The following COL16A1 variants were observed in gnomAD, a reference collection of about 807,000 sequenced individuals.
The protein encoded by COL16A1 is collagen type XVI alpha 1 chain.
In COL16A1, 189 loss-of-function variants were observed where a neutral mutation model predicts 266.3. The observed-to-expected ratio is 0.71, with a 90% CI of 0.63 to 0.80. The LOEUF (loss-of-function observed/expected upper bound fraction) is 0.80, where lower values mean the gene tolerates loss of function less well. COL16A1 is among the 30% of genes least tolerant of loss of function. COL16A1 has a pLI of 0.00. For synonymous variants in COL16A1, 740 were observed against 782.3 expected, an observed-to-expected ratio of 0.95 and a Z score of 0.90; for missense variants, 1,928 against 2,122.4, an observed-to-expected ratio of 0.91 and a Z score of 1.80.
intron 39 of COL16A1, among the ~76,000 whole-genome samples, chr1:31,680,528 TCAC>T (rs1042340118): frequency 1.4e-4 from 22 of 152,226 alleles, no homozygotes; most frequent in African/African-American, 4.8e-4. Context: ...CTCTGCCCTC[TCAC>T]CACTAGTCCT....
intron 56 of COL16A1, 28 bp downstream of exon 56, chr1:31,665,144 G>A: frequency 2.5e-6 from 4 of 1,603,320 alleles, no homozygotes; most frequent in Non-Finnish European, 3.4e-6. Context: ...TCAGATCTGT[G>A]ACTTTGCCAA....
In COL16A1 at chr1:31,696,957, A is replaced by C. The variant is rs774659356; in HGVS notation, c.864+6T>G. 1 of 1,613,644 alleles carries C rather than the reference A, an allele frequency of 6.2e-7. No individual in the cohort carries two copies. The highest frequency in any genetic ancestry group is 1.3e-5 in the African/African-American group (1 of 75,010). On this transcript the variant is annotated splice_donor_region_variant and intron_variant, in intron 8 of 70. Coordinates refer to ENST00000373672, the MANE Select transcript of COL16A1 (RefSeq NM_001856.4). The stretch of plus-strand genomic sequence containing the variant: ...GTGCTGGCATCCACCTGTCCTGCCC[A>C]CCCACCTCGCTGTTTTGAGGCTCCT...
chr1:31,682,802 G>A, intron 37 of COL16A1, 132 bp downstream of exon 37: 1 of 1,089,676 alleles, frequency 9.2e-7, no homozygotes, highest in Non-Finnish European at 1.3e-6. Flanking sequence ...CTTGTCTGAG[G>A]CTGGGCTGAG....
rs796816564 is a variant in COL16A1 at position 31,660,453 on chromosome 1, G to A, written c.3879+132C>T. The A allele has an allele frequency of 6.9e-6, 8 of 1,157,966 alleles. No homozygotes were observed. In the African/African-American group the frequency reaches 1.2e-4, roughly 18 times the overall value. 71.7% of individuals were successfully genotyped at this position (1,157,966 alleles called of 1,614,324 possible). On this transcript the variant is annotated intron_variant, in intron 62 of 70. Coordinates refer to ENST00000373672, the MANE Select transcript of COL16A1 (RefSeq NM_001856.4). ...AAAGCCTGGAAACCACAGAAGGAGT[G>A]GCCCCCGTGCTCCCACGGCTGGGGC... is the stretch of plus-strand genomic sequence containing the variant.
chr1:31,689,269 G>T, intron 23 of COL16A1, 184 bp from the exon 24 acceptor site: 2 of 982,216 alleles, frequency 2.0e-6, no homozygotes, highest in Non-Finnish European at 3.0e-6. Context: ...GCAGGAGCGT[G>T]GCGGGGGGAA....
chr1:31,662,284 T>C (rs1167655713), intron 58 of COL16A1, 50 bp downstream of exon 58: 3 of 1,589,948 alleles, frequency 1.9e-6, no homozygotes, highest in Admixed American at 1.8e-5. Flanking sequence ...TTGGCTCCTC[T>C]GGCAAAAAGG....
At position 31,656,053 on chromosome 1, in the gene COL16A1, G is replaced by A. The variant is rs896125078; in HGVS notation, c.4101+347C>T. On this transcript the variant is annotated intron_variant, in intron 66 of 70. Transcript: ENST00000373672. This position sits in a 1 kb window ranked among gnomAD's most constrained non-coding sequence, Gnocchi z 4.2. Reference sequence around the variant, plus strand: ...ACTTGCCAATCCCTAGTGTAAGTGTGACTGGTCTATTGTGAGCACCTATTG... The same window carrying A: ...ACTTGCCAATCCCTAGTGTAAGTGTAACTGGTCTATTGTGAGCACCTATTG... 11 of 370,188 alleles carry A rather than the reference G, an allele frequency of 3.0e-5. No homozygotes were observed. Among genetic ancestry groups the A allele is most frequent in the Non-Finnish European group, 5.4e-5 (11 of 201,872 alleles). 22.9% of individuals were successfully genotyped at this position (370,188 alleles called of 1,614,324 possible).
Position 31,698,272 on chromosome 1 carries a change from C to T in COL16A1, c.391-100G>A. 1 of 1,553,498 alleles carries T rather than the reference C, an allele frequency of 6.4e-7. No individual in the cohort carries two copies. Among genetic ancestry groups the T allele is most frequent in the Admixed American group, 1.9e-5 (1 of 52,266 alleles). Reference sequence around the variant, plus strand: ...TTGAACTCATTTCACAGGAGGGGAACTGAGGCCCAGAAAGAGAAGAAAGCC... The same window carrying T: ...TTGAACTCATTTCACAGGAGGGGAATTGAGGCCCAGAAAGAGAAGAAAGCC... On this transcript the variant is annotated intron_variant, in intron 5 of 70. Transcript: ENST00000373672. This position sits in a 1 kb window ranked among gnomAD's most constrained non-coding sequence, Gnocchi z 4.1.
intron 42 of COL16A1, among the ~76,000 whole-genome samples, chr1:31,677,909 AGCT>A (rs1317781163): frequency 1.3e-5 from 2 of 152,144 alleles, no homozygotes; most frequent in East Asian, 3.9e-4. Context: ...ACACTACATC[AGCT>A]CTCGCTTATT....
rs376588457 is a variant in COL16A1 at position 31,689,050 on chromosome 1, C to A, written c.1656G>T (p.Lys552Asn). 1.2e-6 allele frequency: 2 copies of A among 1,613,986 alleles called. No individual in the cohort carries two copies. The highest frequency in any genetic ancestry group is 1.7e-6 in the Non-Finnish European group (2 of 1,180,010). Residue 552 changes from lysine to asparagine, a missense_variant and splice_region_variant, in exon 24 of 71, where the codon AAG becomes AAT. Physicochemically the swap from Lys to Asn is moderately conservative, Grantham distance 94. Transcript: ENST00000373672. ...DPGIQGIKGE[K>N]GEPCLSCSSV... ...AGCCAGGAGAGCAGGGTTCCCTCACCTTCTCTCCTTTGATGCCTTGGATGC... is the reference window on the plus strand; with the variant it reads ...AGCCAGGAGAGCAGGGTTCCCTCACATTCTCTCCTTTGATGCCTTGGATGC...
At chr1:31,672,385 C>G (rs1642798522) in intron 47 of COL16A1, 31 bp downstream of exon 47, 1 of 1,612,870 alleles carries the variant, frequency 6.2e-7, no homozygotes, top group Admixed American at 1.7e-5. Context: ...CCCCAGCTCC[C>G]TTGAGGATGA....
rs1644550983 is a variant in COL16A1, at chr1:31,697,525, C to T, written c.658-225G>A. On this transcript the variant is annotated intron_variant, in intron 6 of 70. Transcript: ENST00000373672. The surrounding 1 kb of genome is among the most constrained non-coding windows in gnomAD (Gnocchi z 4.2). ...AGAGGAACAAAAGAGGAGGAGGTTC[C>T]ATTCATGCTGGGCTTTGAAGGGCTG... Among the ~76,000 whole-genome samples, 1 of 152,140 alleles carries T rather than the reference C, an allele frequency of 6.6e-6. No homozygotes were observed. The highest frequency in any genetic ancestry group is 2.4e-5 in the African/African-American group (1 of 41,418).
At chr1:31,691,902 CCTGT>C (rs1302282088) in intron 17 of COL16A1, 99 bp downstream of exon 17, 10 of 1,565,852 alleles carry the variant, frequency 6.4e-6, no homozygotes, top group Non-Finnish European at 8.7e-6. Flanking sequence ...CCCTCCCCAC[CCTGT>C]CTGAGCAAGG....
At chr1:31,701,393 TC>T in intron 2 of COL16A1, 1 of 985,328 alleles carries the variant, frequency 1.0e-6, no homozygotes, top group South Asian at 4.7e-5. Flanking sequence ...TCACCCTGGG[TC>T]CACAATCCCT....
chr1:31,683,415 C>T (rs747380339), intron 34 of COL16A1, 46 bp from the exon 35 acceptor site: 57 of 1,612,656 alleles, frequency 3.5e-5, no homozygotes, highest in Non-Finnish European at 8.5e-7. Flanking sequence ...CCACAGCCAA[C>T]CTGCCCCACT....
chr1:31,701,668 T>C (rs542149917), intron 2 of COL16A1, among the ~76,000 whole-genome samples: 1 of 152,134 alleles, frequency 6.6e-6, no homozygotes, highest in Non-Finnish European at 1.5e-5. Flanking sequence ...GCTAGAGGGA[T>C]GGAGTCTCCA....
rs1395841530 is a variant in COL16A1 at position 31,693,047 on chromosome 1, C to A, written c.1071+45G>T. ...GCTCACATCCCACCTCACCCCAGGG[C>A]ACAGCTGGCAAAGGTCCTGCCACGG... On this transcript the variant is annotated intron_variant, in intron 13 of 70. Transcript: ENST00000373672. The A allele has an allele frequency of 3.1e-6, 4 of 1,306,124 alleles. No homozygotes were observed. In the South Asian group the frequency reaches 4.8e-5, roughly 16 times the overall value. The allele number at this position is 1,306,124 out of a possible 1,614,324, so 80.9% of individuals were successfully genotyped here. A position where few individuals can be genotyped will look rare whatever the true frequency, so the allele number is the denominator to read the frequency against.
Position 31,670,462 on chromosome 1 carries a change from G to A in COL16A1, c.3195+140C>T, listed in dbSNP as rs568894002. 146 of 1,129,516 alleles carry A rather than the reference G, an allele frequency of 1.3e-4. 1 individual carries two copies. Among genetic ancestry groups the A allele is most frequent in the South Asian group, 4.5e-4 (15 of 33,150 alleles). 70.0% of individuals were successfully genotyped at this position (1,129,516 alleles called of 1,614,324 possible). ...AAGCTGCCGGGACCTCAGAGAACCC[G>A]TGTCGTTAGCTACCGTGCCTGAAGG... On this transcript the variant is annotated intron_variant, in intron 49 of 70. Coordinates refer to ENST00000373672, the MANE Select transcript of COL16A1 (RefSeq NM_001856.4). This position sits in a 1 kb window ranked among gnomAD's most constrained non-coding sequence, Gnocchi z 4.5.
intron 58 of COL16A1, 82 bp from the exon 59 acceptor site, chr1:31,661,786 C>A (rs1641695440): frequency 1.4e-6 from 2 of 1,391,900 alleles, no homozygotes; most frequent in Non-Finnish European, 2.0e-6. Context: ...CCCCTCTCTC[C>A]AGCCCTCCCC....
Sources: allele counts gnomAD v4.1 joint callset (sites outside exome capture counted in the v4.1 genomes callset), GRCh38; gene constraint gnomAD v4.1.1; non-coding constraint Gnocchi (gnomAD v3.1); transcripts MANE v1.5; gene names NCBI Gene and HGNC (gene_info 2026-07-23, HGNC 2026-07-21).